PPP2R3B: variants seen among roughly 807,000 people sequenced by gnomAD.
PPP2R3B encodes the protein protein phosphatase 2 regulatory subunit B''beta, also known as serine/threonine-protein phosphatase 2A regulatory subunit B'' subunit beta.
A neutral mutation model predicts 72.9 loss-of-function variants in PPP2R3B; 68 were observed. The ratio of observed to expected loss-of-function variants is 0.93; its 90% confidence interval spans 0.77 to 1.14. The LOEUF (loss-of-function observed/expected upper bound fraction) is 1.14, where lower values mean the gene tolerates loss of function less well. PPP2R3B is among the 50% of genes most tolerant of loss of function. The pLI, the probability that PPP2R3B is intolerant of heterozygous loss-of-function variation, is 0.00. For synonymous variants in PPP2R3B, 466 were observed against 375.8 expected (o/e 1.24, Z -2.78); for missense variants, 1,018 against 842.0 (o/e 1.21, Z -2.59).
chrX:341,403 C>T lies in PPP2R3B; in HGVS notation c.1086-7G>A, dbSNP rs377314098. On this transcript the variant is annotated splice_region_variant and splice_polypyrimidine_tract_variant and intron_variant, in intron 8 of 12. Coordinates refer to ENST00000390665, the MANE Select transcript of PPP2R3B (RefSeq NM_013239.5). Reference sequence around the variant, plus strand: ...CTTCTGCACTTTTCTGCCTCTAGATCGAAAGCCAGGATGGAGAGACGAAGA... The same window carrying T: ...CTTCTGCACTTTTCTGCCTCTAGATTGAAAGCCAGGATGGAGAGACGAAGA... The T allele has an allele frequency of 6.2e-6, 10 of 1,612,354 alleles. No individual in the cohort carries two copies. The African/African-American group carries it at 1.1e-4, about 17-fold the overall frequency.
rs771655798 is a variant in PPP2R3B at position 347,613 on chromosome X, G to C, written c.591C>G (p.His197Gln). The change falls in exon 3 of 13, where the codon CAC (histidine) becomes CAG (glutamine). Residue 197 changes from histidine to glutamine, a missense_variant. Coordinates refer to ENST00000390665, the MANE Select transcript of PPP2R3B (RefSeq NM_013239.5). ...ACTTTCTCCACATGGCGACGAACTT[G>C]TGGACGGACACGGAGCCCGTGCGCT... Reference protein sequence around the residue: ...GGERTGSVSVHKFVAMWRKIL... With the variant: ...GGERTGSVSVQKFVAMWRKIL... The C allele has an allele frequency of 2.5e-6, 4 of 1,580,570 alleles. No homozygotes were observed. The highest frequency in any genetic ancestry group is 3.4e-6 in the Non-Finnish European group (4 of 1,162,696).
chrX:355,950 T>C (rs113975071), intron 2 of PPP2R3B, among the ~76,000 whole-genome samples: 1 of 152,070 alleles, frequency 6.6e-6, no homozygotes, highest in Admixed American at 6.6e-5. Context: ...GCTCATTGAA[T>C]TGTACCTTCC....
In PPP2R3B at chrX:334,350, C is replaced by CGT; in HGVS notation, c.*15_*16dup. 6.8e-7 allele frequency: 1 copy of CGT among 1,462,094 alleles called. No individual in the cohort carries two copies. The highest frequency in any genetic ancestry group is 8.9e-7 in the Non-Finnish European group (1 of 1,117,810). The allele number at this position is 1,462,094 out of a possible 1,614,324, so 90.6% of individuals were successfully genotyped here. ...CACGTGGGGAGCGGCCCCGCGGCGG[C>CGT]GTTCTCGCGGGCGGCGTCACAGCGG... On this transcript the variant is annotated 3_prime_UTR_variant, in exon 13 of 13. Coordinates refer to ENST00000390665, the MANE Select transcript of PPP2R3B (RefSeq NM_013239.5).
At chrX:346,523 AGTCCCCCCAACACCGG>A in intron 5 of PPP2R3B, 162 bp downstream of exon 5, 1 of 664,800 alleles carries the variant, frequency 1.5e-6, no homozygotes, top group African/African-American at 1.9e-5. Context: ...GGAAAACCAG[AGTCCCCCCAACACCGG>A]GCTCCCGGGC....
At chrX:366,876 C>T (rs1353757805) in intron 1 of PPP2R3B, among the ~76,000 whole-genome samples, 3 of 144,868 alleles carry the variant, frequency 2.1e-5, no homozygotes, top group African/African-American at 5.5e-5. Flanking sequence ...ACAAAACAAA[C>T]GATTAACCAG....
chrX:354,168 GACTAGGGGCTCACCCAAAC>G (rs1477697071), intron 2 of PPP2R3B, among the ~76,000 whole-genome samples: 1,198 of 95,584 alleles, frequency 0.013, 7 homozygotes, highest in Middle Eastern at 0.023. Context: ...CTCACCCAGG[GACTAGGGGCTCACCCAAAC>G]ACCGGGGGCT....
intron 8 of PPP2R3B, chrX:341,656 A>C: frequency 1.5e-6 from 1 of 651,414 alleles, no homozygotes; most frequent in Non-Finnish European, 2.7e-6. Context: ...AGAACCCCCG[A>C]CCTGGGGCCT....
At chrX:346,327 C>T (rs2071212005) in intron 5 of PPP2R3B, 67 bp from the exon 6 acceptor site, 10 of 1,461,556 alleles carry the variant, frequency 6.8e-6, no homozygotes, top group African/African-American at 1.4e-5. Flanking sequence ...GCACGGAGAC[C>T]GGGAGCCGGG....
chrX:345,416 CT>C, intron 7 of PPP2R3B, 99 bp downstream of exon 7: 2 of 1,462,650 alleles, frequency 1.4e-6, no homozygotes, highest in Non-Finnish European at 1.9e-6. Context: ...AGACACAGAG[CT>C]GGGAGTGCGG....
At chrX:375,774 G>A (rs780979680) in intron 1 of PPP2R3B, among the ~76,000 whole-genome samples, 3 of 152,372 alleles carry the variant, frequency 2.0e-5, no homozygotes, top group South Asian at 2.1e-4. Context: ...GCCAACGGGC[G>A]CGATCCTCAC....
At chrX:347,525 C>T in intron 3 of PPP2R3B, 65 bp downstream of exon 3, 19 of 1,500,436 alleles carry the variant, frequency 1.3e-5, no homozygotes, top group Non-Finnish European at 1.7e-5. Context: ...CCCGTCCTGG[C>T]ACCACGGGGA....
intron 10 of PPP2R3B, among the ~76,000 whole-genome samples, chrX:339,281 C>T (rs899131675): frequency 7.1e-5 from 7 of 98,990 alleles, no homozygotes; most frequent in Non-Finnish European, 1.5e-4. Context: ...CCGGGGGGGG[C>T]AGGGCTGCAG....
At chrX:357,246 C>T (rs1357021254) in intron 2 of PPP2R3B, among the ~76,000 whole-genome samples, 5 of 152,100 alleles carry the variant, frequency 3.3e-5, no homozygotes, top group Admixed American at 6.6e-5. Flanking sequence ...AGGTGACAAA[C>T]GGCCGGTCCT....
chrX:375,727 A>G (rs1408727406), intron 1 of PPP2R3B, among the ~76,000 whole-genome samples: 1 of 152,020 alleles, frequency 6.6e-6, no homozygotes, highest in African/African-American at 2.4e-5. Context: ...TCTCCCTCCG[A>G]AAGTCAAAGA....
chrX:367,738 A>T (rs2124303777), intron 1 of PPP2R3B, among the ~76,000 whole-genome samples: 1 of 152,366 alleles, frequency 6.6e-6, no homozygotes, highest in Admixed American at 6.5e-5. Flanking sequence ...TGCTCTAGTT[A>T]CAAGACAAAG....
At chrX:346,573 G>C in intron 5 of PPP2R3B, 128 bp downstream of exon 5, 1 of 901,900 alleles carries the variant, frequency 1.1e-6, no homozygotes, top group Non-Finnish European at 1.7e-6. Context: ...CCCAGAGCGC[G>C]GCCGCCTCCT....
chrX:345,788 G>A (rs1157970894), intron 6 of PPP2R3B, 116 bp from the exon 7 acceptor site: 5 of 1,138,164 alleles, frequency 4.4e-6, no homozygotes, highest in Non-Finnish European at 6.2e-6. Context: ...CGTGGGTGGG[G>A]GGGACTGGGC....
At chrX:337,381 G>C (rs1156405880) in intron 12 of PPP2R3B, 1 of 152,212 alleles carries the variant, frequency 6.6e-6, no homozygotes, top group Admixed American at 6.6e-5. Flanking sequence ...CGCCCGGCCA[G>C]AAGGAGCCTA....
chrX:346,267 G>A lies in PPP2R3B; in HGVS notation c.793-7C>T, dbSNP rs757323645. The A allele has an allele frequency of 1.2e-5, 19 of 1,561,772 alleles. No individual in the cohort carries two copies. In the South Asian group the frequency reaches 2.1e-4, roughly 17 times the overall value. The stretch of plus-strand genomic sequence containing the variant: ...AGAAGATCCGCTGGATGACCTGCGG[G>A]GGCGCTGTCAGTGCGGTGGGTGCGC... On this transcript the variant is annotated splice_polypyrimidine_tract_variant and splice_region_variant and intron_variant, in intron 5 of 12. Transcript: ENST00000390665.
Sources: gnomAD v4.1 joint callset for allele counts (sites outside exome capture counted in the v4.1 genomes callset) on GRCh38, gnomAD v4.1.1 for gene constraint, MANE v1.5 for transcripts, NCBI Gene and HGNC (gene_info 2026-07-23, HGNC 2026-07-21) for gene names.